KIAA1549: variants seen among roughly 807,000 people sequenced by gnomAD.
The protein encoded by KIAA1549 is UPF0606 protein KIAA1549.
Under a neutral mutation model 156.4 loss-of-function variants are expected in KIAA1549, and 70 were observed. The observed-to-expected ratio is 0.45, with a 90% CI of 0.37 to 0.55. The LOEUF (loss-of-function observed/expected upper bound fraction) is 0.55. Ranked by LOEUF, KIAA1549 falls within the 20% of genes least tolerant of loss-of-function variation. The pLI is 0.00. For missense variants in KIAA1549, 2,428 were observed against 2,540.9 expected (o/e 0.96, Z 0.96); for synonymous variants, 1,103 against 1,066.4 (o/e 1.03, Z -0.67).
At chr7:138,979,108 A>T (rs1263759361) in intron 1 of KIAA1549, among the ~76,000 whole-genome samples, 1 of 152,196 alleles carries the variant, frequency 6.6e-6, no homozygotes, top group Non-Finnish European at 1.5e-5. Context: ...CTTAGTTCCT[A>T]GTCTATGAGC....
rs1221915922 is a variant in KIAA1549 at position 138,844,322 on chromosome 7, G to T, written c.5447C>A (p.Thr1816Asn). 2 of 1,613,816 alleles carry T rather than the reference G, an allele frequency of 1.2e-6. No homozygotes were observed. Among genetic ancestry groups the T allele is most frequent in the African/African-American group, 2.7e-5 (2 of 74,928 alleles). ...SVARPRPVGG[T>N]TGSQIQHLTQ... ...AGCTAAACAGCCACATATACCTGTG[G>T]TACCCCCGACAGGCCGAGGCCGGGC... The change falls in exon 18 of 20, where the codon ACC becomes AAC. Residue 1816 changes from threonine to asparagine, a missense_variant. Around this residue, in one of 5 missense-constraint regions of KIAA1549, gnomAD observed 363 missense variants for 354.0 expected, o/e 1.03. Transcript: ENST00000422774.
Position 138,953,603 on chromosome 7 carries a change from G to C in KIAA1549, c.187+27480C>G, listed in dbSNP as rs1428956090. Among the ~76,000 whole-genome samples, 3 of 152,076 alleles carry C rather than the reference G, an allele frequency of 2.0e-5. No individual in the cohort carries two copies. The East Asian group carries it at 5.8e-4, about 29-fold the overall frequency. ...AATAAAACAAGGGAAGCTTCCTAAA[G>C]AAAGAATACATACTACAAGTAAATA... On this transcript the variant is annotated intron_variant, in intron 1 of 19. Transcript: ENST00000422774.
intron 1 of KIAA1549, among the ~76,000 whole-genome samples, chr7:138,948,105 G>C (rs1395872199): frequency 8.5e-5 from 13 of 152,088 alleles, no homozygotes; most frequent in Admixed American, 7.9e-4. Context: ...TCTCATGGGA[G>C]GAACTGTGTA....
chr7:138,842,543 C>T (rs760706099), intron 18 of KIAA1549, among the ~76,000 whole-genome samples: 1 of 152,096 alleles, frequency 6.6e-6, no homozygotes, highest in Non-Finnish European at 1.5e-5. Context: ...AAAAATTAGC[C>T]GGACGCAGTG....
chr7:138,867,909 C>A, intron 15 of KIAA1549, 66 bp downstream of exon 15: 7 of 1,556,658 alleles, frequency 4.5e-6, no homozygotes, highest in Non-Finnish European at 5.3e-6. Context: ...TTCTCCTCCC[C>A]TTTCAGCGCA....
chr7:138,891,638 G>C (rs1490838188), intron 10 of KIAA1549, among the ~76,000 whole-genome samples: 2 of 152,122 alleles, frequency 1.3e-5, no homozygotes, highest in Non-Finnish European at 2.9e-5. Context: ...ACGAGGGGAA[G>C]GGGGGTGCAG....
chr7:138,930,526 G>T (rs546858850), intron 1 of KIAA1549, among the ~76,000 whole-genome samples: 1 of 152,176 alleles, frequency 6.6e-6, no homozygotes, highest in African/African-American at 2.4e-5. Flanking sequence ...TAAATCCTCC[G>T]GATAATTTGC....
chr7:138,851,411 A>C (rs1810228164), intron 17 of KIAA1549, among the ~76,000 whole-genome samples: 1 of 152,160 alleles, frequency 6.6e-6, no homozygotes, highest in Non-Finnish European at 1.5e-5. Flanking sequence ...CTTCCTGGAC[A>C]ATGGACCTTA....
At chr7:138,894,617 T>C in intron 9 of KIAA1549, 91 bp from the exon 10 acceptor site, 1 of 1,262,450 alleles carries the variant, frequency 7.9e-7, no homozygotes, top group Admixed American at 2.1e-5. Context: ...CAGAAGTCCC[T>C]GACATTCCAG....
chr7:138,867,728 A>T (rs889179970), intron 15 of KIAA1549, among the ~76,000 whole-genome samples: 1 of 152,164 alleles, frequency 6.6e-6, no homozygotes, highest in Non-Finnish European at 1.5e-5. Flanking sequence ...AAAAACACGG[A>T]GTGTGTTTCC....
chr7:138,895,859 T>C (rs1811669537), intron 9 of KIAA1549, among the ~76,000 whole-genome samples: 2 of 152,050 alleles, frequency 1.3e-5, no homozygotes, highest in Admixed American at 1.3e-4. Context: ...CCCTAAACCT[T>C]TGAAACATGA....
intron 1 of KIAA1549, among the ~76,000 whole-genome samples, chr7:138,961,472 A>G (rs1813845368): frequency 6.6e-6 from 1 of 152,088 alleles, no homozygotes; most frequent in African/African-American, 2.4e-5. Context: ...CCACGAGGCT[A>G]TCACCCCCCA....
At chr7:138,841,421 T>C (rs1421226040) in intron 18 of KIAA1549, among the ~76,000 whole-genome samples, 1 of 152,128 alleles carries the variant, frequency 6.6e-6, no homozygotes, top group Non-Finnish European at 1.5e-5. Flanking sequence ...TAGAGCTAAT[T>C]ACCCCCCTAT....
In KIAA1549 at chr7:138,844,437, G is replaced by A. The variant is rs1184874278; in HGVS notation, c.5332C>T (p.Leu1778=). Residue 1778 remains leucine (L), a synonymous_variant, in exon 18 of 20, where the codon CTG becomes TTG. Coordinates refer to ENST00000422774, the MANE Select transcript of KIAA1549 (RefSeq NM_001164665.2). ...GGCTGCTGAGGGTCAGGGGGCACCA[G>A]CTCTGTAGACTGCAGCAAACCGGGG... The part of the protein sequence containing the change: ...FGPGLLQSTE[L]VPPDPQQPQA... 2 of 1,567,956 alleles carry A rather than the reference G, an allele frequency of 1.3e-6. No homozygotes were observed.
intron 8 of KIAA1549, among the ~76,000 whole-genome samples, chr7:138,901,385 G>C (rs545496326): frequency 6.3e-4 from 94 of 149,996 alleles, no homozygotes; most frequent in Non-Finnish European, 1.1e-3. Context: ...GAGTGCATTG[G>C]TGTGATCTTA....
chr7:138,939,414 C>A (rs1056332942), intron 1 of KIAA1549, among the ~76,000 whole-genome samples: 16 of 152,094 alleles, frequency 1.1e-4, no homozygotes, highest in African/African-American at 3.6e-4. Flanking sequence ...ACAGTTTTCT[C>A]CTCTTTTTTT....
At position 138,868,124 on chromosome 7, in the gene KIAA1549, G is replaced by A. The variant is rs775397642; in HGVS notation, c.4780C>T (p.Arg1594Trp). 12 of 1,612,580 alleles carry A rather than the reference G, an allele frequency of 7.4e-6. No homozygotes were observed. The highest frequency in any genetic ancestry group is 5.3e-5 in the African/African-American group (4 of 74,910). ...CGAGGCTTGGGAGAACGTTTTATCC[G>A]TGAGCTGCCAGGAAAAAGAGAAATT... ...SVFIEPRKSSRIKRSPKPRRK... is the reference protein window; with the variant it reads ...SVFIEPRKSSWIKRSPKPRRK... Residue 1594 changes from arginine (R) to tryptophan (W), a missense_variant, in exon 15 of 20, where the codon CGG becomes TGG. By Grantham distance (101) the Arg-to-Trp change is moderately radical (BLOSUM62 -3). This residue lies in a region of KIAA1549 where 404 missense variants were observed against 417.0 expected (regional missense o/e 0.97). Coordinates refer to ENST00000422774, the MANE Select transcript of KIAA1549 (RefSeq NM_001164665.2).
chr7:138,952,509 G>A (rs1813531180), intron 1 of KIAA1549, among the ~76,000 whole-genome samples: 1 of 152,182 alleles, frequency 6.6e-6, no homozygotes, highest in African/African-American at 2.4e-5. Flanking sequence ...GGAATAAAGT[G>A]AGGACTCTGC....
At chr7:138,936,863 T>C (rs1400276626) in intron 1 of KIAA1549, among the ~76,000 whole-genome samples, 1 of 152,012 alleles carries the variant, frequency 6.6e-6, no homozygotes, top group East Asian at 1.9e-4. Flanking sequence ...GTCAGGGCTG[T>C]GGTCTCTCTC....
Sources: allele counts gnomAD v4.1 joint callset (sites outside exome capture counted in the v4.1 genomes callset), GRCh38; gene constraint gnomAD v4.1.1; regional missense constraint gnomAD v4.1.1; transcripts MANE v1.5; gene names NCBI Gene and HGNC (gene_info 2026-07-23, HGNC 2026-07-21).